PTPRE: variants seen among roughly 807,000 people sequenced by gnomAD.
The protein encoded by PTPRE is receptor-type tyrosine-protein phosphatase epsilon.
In PTPRE, 51 loss-of-function variants were observed where a neutral mutation model predicts 102.0. The ratio of observed to expected loss-of-function variants is 0.50; its 90% CI spans 0.40 to 0.63. The LOEUF is 0.63. Ranked by LOEUF, PTPRE falls within the 30% of genes least tolerant of loss-of-function variation. The pLI, the probability that PTPRE is intolerant of heterozygous loss-of-function variation, is 0.00. For missense variants in PTPRE, 752 were observed against 915.1 expected, an observed-to-expected ratio of 0.82 and a Z score of 2.30; for synonymous variants, 345 against 348.2, an observed-to-expected ratio of 0.99 and a Z score of 0.10.
At chr10:127,997,660 TAGG>T (rs1302033800) in intron 2 of PTPRE, among the ~76,000 whole-genome samples, 1 of 152,098 alleles carries the variant, frequency 6.6e-6, no homozygotes, top group African/African-American at 2.4e-5. Context: ...GATATACAAA[TAGG>T]AGAACAAAGC....
chr10:128,057,220 A>G (rs1201911713), intron 7 of PTPRE, among the ~76,000 whole-genome samples: 1 of 151,142 alleles, frequency 6.6e-6, no homozygotes, highest in African/African-American at 2.4e-5. Flanking sequence ...TCCATCTCAA[A>G]AAAAAAAAAA....
At chr10:128,076,526 A>G in intron 17 of PTPRE, 77 bp from the exon 18 acceptor site, 1 of 1,443,872 alleles carries the variant, frequency 6.9e-7, no homozygotes, top group South Asian at 1.4e-5. Context: ...TTTGAGAACA[A>G]TTCTGTGTTA....
At chr10:127,987,449 T>C in intron 2 of PTPRE, 1 of 844,784 alleles carries the variant, frequency 1.2e-6, no homozygotes, top group South Asian at 1.6e-5. Context: ...GTGTCATGGT[T>C]GCTTCTAATA....
At chr10:128,021,340 G>A (rs1449239722) in intron 2 of PTPRE, among the ~76,000 whole-genome samples, 4 of 152,202 alleles carry the variant, frequency 2.6e-5, no homozygotes, top group Non-Finnish European at 5.9e-5. Flanking sequence ...CCTCCTGGGG[G>A]CAGGGGTGTG....
intron 3 of PTPRE, among the ~76,000 whole-genome samples, chr10:128,046,385 C>T (rs564138417): frequency 6.2e-4 from 94 of 152,332 alleles, no homozygotes; most frequent in Non-Finnish European, 1.1e-3. Context: ...GTGATTGGTG[C>T]TTCTGGGAAC....
intron 2 of PTPRE, 48 bp from the exon 3 acceptor site, chr10:128,040,827 C>G: frequency 6.7e-7 from 1 of 1,492,182 alleles, no homozygotes; most frequent in Non-Finnish European, 9.3e-7. Flanking sequence ...CGGAGGGTCC[C>G]ACAGCTGCTG....
intron 1 of PTPRE, chr10:127,964,849 C>T: frequency 5.9e-6 from 2 of 341,006 alleles, no homozygotes; most frequent in Admixed American, 7.9e-5. Context: ...AGCCAGTTGT[C>T]TAGTTGTCAG....
Position 128,076,693 on chromosome 10 carries a change from A to T in PTPRE, c.1690A>T (p.Ile564Phe). ...EIKNDTLSEAISIRDFLVTLN... is the reference protein window; with the variant it reads ...EIKNDTLSEAFSIRDFLVTLN... ...AAAGAATGATACCCTTTCAGAAGCC[A>T]TCAGTATACGAGACTTTCTGGTCAC... Residue 564 changes from isoleucine (I) to phenylalanine (F), a missense_variant, in exon 18 of 21, where the codon ATC (isoleucine) becomes TTC (phenylalanine). Around this residue, in one of 2 missense-constraint regions of PTPRE, gnomAD observed 636 missense variants for 824.4 expected, o/e 0.77. Transcript: ENST00000254667. 1.2e-6 allele frequency: 2 copies of T among 1,611,454 alleles called. No homozygotes were observed. Among genetic ancestry groups the T allele is most frequent in the Non-Finnish European group, 1.7e-6 (2 of 1,179,420 alleles).
intron 1 of PTPRE, among the ~76,000 whole-genome samples, chr10:127,971,256 A>T (rs1023785473): frequency 1.2e-4 from 18 of 152,190 alleles, no homozygotes; most frequent in East Asian, 1.9e-4. Context: ...TCACATCCCA[A>T]AAAGGACCCC....
chr10:127,996,714 G>T (rs186191269), intron 2 of PTPRE, among the ~76,000 whole-genome samples: 41 of 152,296 alleles, frequency 2.7e-4, no homozygotes, highest in African/African-American at 8.4e-4. Context: ...TGCACCAATG[G>T]CTGGATCCAG....
intron 10 of PTPRE, among the ~76,000 whole-genome samples, chr10:128,064,359 C>G (rs1182879993): frequency 1.3e-5 from 2 of 152,262 alleles, no homozygotes; most frequent in African/African-American, 4.8e-5. Flanking sequence ...CACCCCTTTG[C>G]CCTTGCAAAT....
chr10:127,996,731 G>T (rs996087267), intron 2 of PTPRE, among the ~76,000 whole-genome samples: 3 of 152,182 alleles, frequency 2.0e-5, no homozygotes, highest in Admixed American at 6.5e-5. Flanking sequence ...CCAGGCACAC[G>T]CAGGCTCCGA....
chr10:127,942,545 A>G (rs1848323404), intron 1 of PTPRE, among the ~76,000 whole-genome samples: 1 of 152,230 alleles, frequency 6.6e-6, no homozygotes, highest in Non-Finnish European at 1.5e-5. Flanking sequence ...CCGTCCTAAA[A>G]AGGAAGGAGC....
At chr10:128,011,693 A>G (rs1010695964) in intron 2 of PTPRE, among the ~76,000 whole-genome samples, 12 of 152,178 alleles carry the variant, frequency 7.9e-5, no homozygotes, top group Admixed American at 3.3e-4. Context: ...CTGTCACTCT[A>G]TGCTTCCTCT....
chr10:128,079,807 A>C, intron 20 of PTPRE, 112 bp downstream of exon 20: 1 of 1,352,998 alleles, frequency 7.4e-7, no homozygotes, highest in Non-Finnish European at 1.0e-6. Context: ...GGAAGGTAAA[A>C]TTCCCAAGGA....
chr10:127,954,363 A>G (rs146229987), intron 1 of PTPRE, among the ~76,000 whole-genome samples: 206 of 152,304 alleles, frequency 1.4e-3, no homozygotes, highest in African/African-American at 4.4e-3. Flanking sequence ...GGTTGATTAC[A>G]ATGCAGCACC....
At chr10:128,006,757 T>A (rs1413903407) in intron 2 of PTPRE, among the ~76,000 whole-genome samples, 1 of 152,152 alleles carries the variant, frequency 6.6e-6, no homozygotes, top group Non-Finnish European at 1.5e-5. Flanking sequence ...GAAGGGGCCT[T>A]TCCTGCACCC....
At chr10:128,066,976 A>G (rs1850176189) in intron 11 of PTPRE, among the ~76,000 whole-genome samples, 1 of 134,110 alleles carries the variant, frequency 7.5e-6, no homozygotes, top group Non-Finnish European at 1.8e-5. Flanking sequence ...ACACATGCAC[A>G]CACACCCACA....
chr10:127,921,016 G>C (rs2135179051), intron 1 of PTPRE, among the ~76,000 whole-genome samples: 1 of 152,350 alleles, frequency 6.6e-6, no homozygotes, highest in South Asian at 2.1e-4. Context: ...CTCGGTGTCT[G>C]GGGCTTGCCC....
Sources: allele counts gnomAD v4.1 joint callset (sites outside exome capture counted in the v4.1 genomes callset), GRCh38; gene constraint gnomAD v4.1.1; regional missense constraint gnomAD v4.1.1; transcripts MANE v1.5; gene names NCBI Gene and HGNC (gene_info 2026-07-23, HGNC 2026-07-21).